The following LRFN5 variants were observed in gnomAD, a reference collection of about 807,000 sequenced individuals.
LRFN5 encodes the protein leucine-rich repeat and fibronectin type-III domain-containing protein 5.
Under a neutral mutation model 45.6 loss-of-function variants are expected in LRFN5, and 24 were observed. That is an observed-to-expected ratio of 0.53 (90% CI 0.38 to 0.74). LRFN5 has a LOEUF of 0.74. Among genes scored for constraint, LRFN5 ranks in the 30% least tolerant of loss-of-function variants. The pLI is 0.00. For missense variants in LRFN5, 776 were observed against 861.5 expected, an observed-to-expected ratio of 0.90 and a Z score of 1.24; for synonymous variants, 340 against 313.8, an observed-to-expected ratio of 1.08 and a Z score of -0.88.
chr14:41,849,482 G>T (rs1348730485), intron 2 of LRFN5, among the ~76,000 whole-genome samples: 1 of 150,866 alleles, frequency 6.6e-6, no homozygotes, highest in Non-Finnish European at 1.5e-5. Context: ...TTCAGACTCT[G>T]CCAGACTGCA....
At chr14:41,885,352 A>G (rs1566504072) in intron 2 of LRFN5, among the ~76,000 whole-genome samples, 1 of 151,780 alleles carries the variant, frequency 6.6e-6, no homozygotes, top group East Asian at 1.9e-4. Flanking sequence ...AAGAAAGAAA[A>G]AAAGAAAACC....
At chr14:41,837,299 T>A (rs1888697457) in intron 2 of LRFN5, among the ~76,000 whole-genome samples, 1 of 150,616 alleles carries the variant, frequency 6.6e-6, no homozygotes, top group Non-Finnish European at 1.5e-5. Flanking sequence ...CACCTGCAAT[T>A]AAAGACAAAT....
chr14:41,692,416 C>A (rs931562056), intron 1 of LRFN5, among the ~76,000 whole-genome samples: 8 of 149,986 alleles, frequency 5.3e-5, no homozygotes, highest in African/African-American at 2.0e-4. Context: ...TTTTAATTTT[C>A]TTTTTTTTAT....
At chr14:41,889,011 A>ATG (rs1555329984) in intron 3 of LRFN5, among the ~76,000 whole-genome samples, 29 of 148,592 alleles carry the variant, frequency 2.0e-4, no homozygotes, top group Non-Finnish European at 3.4e-4. Context: ...ACATATATAT[A>ATG]TGTGTGTGTA....
chr14:41,705,311 C>T (rs1267799466), intron 1 of LRFN5, among the ~76,000 whole-genome samples: 2 of 152,122 alleles, frequency 1.3e-5, no homozygotes, highest in Non-Finnish European at 2.9e-5. Flanking sequence ...CCACAGCTGC[C>T]AGTTCTCCAA....
chr14:41,819,424 A>T (rs1414774617), intron 2 of LRFN5, among the ~76,000 whole-genome samples: 1 of 152,112 alleles, frequency 6.6e-6, no homozygotes, highest in African/African-American at 2.4e-5. Context: ...TTCACGAAAG[A>T]TGTTATCTCA....
At chr14:41,618,257 A>G (rs1887990184) in intron 1 of LRFN5, among the ~76,000 whole-genome samples, 2 of 152,152 alleles carry the variant, frequency 1.3e-5, no homozygotes, top group African/African-American at 4.8e-5. Flanking sequence ...AAATGGCCGC[A>G]AATTCATTGC....
intron 2 of LRFN5, among the ~76,000 whole-genome samples, chr14:41,798,748 A>G (rs1887221403): frequency 6.6e-6 from 1 of 151,996 alleles, no homozygotes; most frequent in Non-Finnish European, 1.5e-5. Context: ...ATCTTTTGCA[A>G]CTTATGCCTT....
chr14:41,769,026 A>G (rs1465149616), intron 2 of LRFN5, among the ~76,000 whole-genome samples: 1 of 151,342 alleles, frequency 6.6e-6, no homozygotes, highest in Non-Finnish European at 1.5e-5. Flanking sequence ...CATGTTCTCT[A>G]TTTTTTCTTT....
intron 2 of LRFN5, among the ~76,000 whole-genome samples, chr14:41,776,362 G>A (rs1413696568): frequency 1.3e-5 from 2 of 152,062 alleles, no homozygotes; most frequent in African/African-American, 4.8e-5. Flanking sequence ...TAGTTACCAC[G>A]TGAGTATCCC....
chr14:41,702,612 G>A (rs1882884276), intron 1 of LRFN5, among the ~76,000 whole-genome samples: 1 of 151,916 alleles, frequency 6.6e-6, no homozygotes. Context: ...ACAGGAACAT[G>A]CCACTGCGCC....
intron 1 of LRFN5, among the ~76,000 whole-genome samples, chr14:41,709,337 A>G (rs1365768804): frequency 6.6e-6 from 1 of 151,998 alleles, no homozygotes; most frequent in Non-Finnish European, 1.5e-5. Flanking sequence ...CCTTGCTTAT[A>G]TGGCAAAATG....
intron 2 of LRFN5, among the ~76,000 whole-genome samples, chr14:41,850,461 A>G (rs947884315): frequency 1.3e-5 from 2 of 151,848 alleles, no homozygotes; most frequent in African/African-American, 4.8e-5. Flanking sequence ...TTTAACACCC[A>G]ATATTGAGGC....
chr14:41,645,577 T>C (rs1879779026), intron 1 of LRFN5, among the ~76,000 whole-genome samples: 1 of 152,336 alleles, frequency 6.6e-6, no homozygotes, highest in Non-Finnish European at 1.5e-5. Flanking sequence ...GTTTATACCT[T>C]GTAGATGGTA....
intron 1 of LRFN5, among the ~76,000 whole-genome samples, chr14:41,671,617 GTTTTTTT>G (rs914212982): frequency 5.1e-5 from 4 of 78,020 alleles, no homozygotes; most frequent in Admixed American, 1.8e-4. Flanking sequence ...TTTTTTTTTC[GTTTTTTT>G]TTTTTTTTTT....
intron 1 of LRFN5, among the ~76,000 whole-genome samples, chr14:41,745,667 T>C (rs1026174964): frequency 1.3e-5 from 2 of 151,990 alleles, no homozygotes; most frequent in Admixed American, 6.6e-5. Flanking sequence ...AAAATAAGTT[T>C]GTTATAAGAA....
chr14:41,746,308 C>T (rs1260129683), intron 1 of LRFN5, among the ~76,000 whole-genome samples: 1 of 151,854 alleles, frequency 6.6e-6, no homozygotes, highest in Non-Finnish European at 1.5e-5. Context: ...ACTATCTTTT[C>T]CTGATACAAA....
At chr14:41,619,779 A>G (rs78621769) in intron 1 of LRFN5, among the ~76,000 whole-genome samples, 1,564 of 152,126 alleles carry the variant, frequency 0.01, 18 homozygotes, top group Non-Finnish European at 0.015. Context: ...TACAGTACAT[A>G]AACATTGATT....
In LRFN5 at chr14:41,891,363, C is replaced by T. The variant is rs1566508858; in HGVS notation, c.1499C>T (p.Thr500Ile). ...GATGGCATCACTTCCCTCACTGCCA[C>T]AAGAGTCGTGGGTTGCATCCAGTTT... The part of the protein sequence containing the change: ...YDDGITSLTA[T>I]RVVGCIQFTT... Residue 500 changes from threonine to isoleucine, a missense_variant, in exon 4 of 6, where the codon ACA (threonine) becomes ATA (isoleucine). Around this residue, in one of 2 missense-constraint regions of LRFN5, gnomAD observed 465 missense variants for 456.4 expected, o/e 1.02. Transcript: ENST00000298119. The T allele has an allele frequency of 4.3e-6, 7 of 1,614,088 alleles. No individual in the cohort carries two copies. Among genetic ancestry groups the T allele is most frequent in the Non-Finnish European group, 5.9e-6 (7 of 1,180,026 alleles).
Sources: gnomAD v4.1 joint callset for allele counts (sites outside exome capture counted in the v4.1 genomes callset) on GRCh38, gnomAD v4.1.1 for gene constraint, gnomAD v4.1.1 regional missense constraint, MANE v1.5 for transcripts, NCBI Gene and HGNC (gene_info 2026-07-23, HGNC 2026-07-21) for gene names.